LIMCH1: variants seen among roughly 807,000 people sequenced by gnomAD.
LIMCH1 encodes LIM and calponin homology domains-containing protein 1.
In LIMCH1, 113 loss-of-function variants were observed where a neutral mutation model predicts 176.5. That is an observed-to-expected ratio of 0.64 (90% CI 0.55 to 0.75). The LOEUF is 0.75. Ranked by LOEUF, LIMCH1 falls within the 30% of genes least tolerant of loss-of-function variation. LIMCH1 has a pLI of 0.00. For missense variants in LIMCH1, 1,674 were observed against 1,814.9 expected, an observed-to-expected ratio of 0.92 and a Z score of 1.41; for synonymous variants, 619 against 645.9, an observed-to-expected ratio of 0.96 and a Z score of 0.63.
chr4:41,573,780 GT>G (rs1236387739), intron 1 of LIMCH1, among the ~76,000 whole-genome samples: 1 of 152,084 alleles, frequency 6.6e-6, no homozygotes, highest in East Asian at 1.9e-4. Context: ...CATTTTTAAG[GT>G]TTTTGAGACG....
At chr4:41,421,246 G>A (rs1217163345) in intron 1 of LIMCH1, among the ~76,000 whole-genome samples, 1 of 152,146 alleles carries the variant, frequency 6.6e-6, no homozygotes, top group South Asian at 2.1e-4. Flanking sequence ...TCATAGGAGT[G>A]CTGTGAGAAG....
At position 41,629,535 on chromosome 4, in the gene LIMCH1, A is replaced by G; in HGVS notation, c.1072A>G (p.Asn358Asp). The G allele has an allele frequency of 1.3e-6, 2 of 1,536,100 alleles. No individual in the cohort carries two copies. The highest frequency in any genetic ancestry group is 1.7e-6 in the Non-Finnish European group (2 of 1,146,906). Residue 358 changes from asparagine (N) to aspartate (D), a missense_variant, in exon 9 of 32, where the codon AAC becomes GAC. By Grantham distance (23) the Asn-to-Asp change is conservative. This residue lies in a region of LIMCH1 where 655 missense variants were observed against 692.2 expected (regional missense o/e 0.95). Coordinates refer to ENST00000503057, the MANE Select transcript of LIMCH1 (RefSeq NM_001330672.2). ...TEEVKLIVTC[N>D]MRAQESEPVE... ...AGAGGTGAAGTTGATAGTGACCTGT[A>G]ACATGAGGGCTCAGGAAAGTGAACC...
chr4:41,503,807 C>G (rs1039312352), intron 2 of LIMCH1, among the ~76,000 whole-genome samples: 1 of 152,172 alleles, frequency 6.6e-6, no homozygotes, highest in Admixed American at 6.5e-5. Flanking sequence ...AGTCGGTTCC[C>G]TCAGCCCTCA....
At chr4:41,546,282 G>C (rs2079380895) in intron 1 of LIMCH1, among the ~76,000 whole-genome samples, 1 of 151,974 alleles carries the variant, frequency 6.6e-6, no homozygotes, top group African/African-American at 2.4e-5. Context: ...GGGAGTACAG[G>C]TGTGCGCCAC....
intron 31 of LIMCH1, among the ~76,000 whole-genome samples, chr4:41,694,843 C>T (rs1374297225): frequency 2.0e-5 from 3 of 152,042 alleles, no homozygotes; most frequent in African/African-American, 7.2e-5. Context: ...GAAAAGTGCA[C>T]TCTCCCTGCA....
intron 1 of LIMCH1, among the ~76,000 whole-genome samples, chr4:41,489,157 CT>C (rs1157542785): frequency 6.6e-6 from 1 of 151,992 alleles, no homozygotes; most frequent in Non-Finnish European, 1.5e-5. Context: ...TAATTTCTGC[CT>C]TCTTTCTTTT....
At chr4:41,429,871 A>G (rs1238435726) in intron 1 of LIMCH1, among the ~76,000 whole-genome samples, 6 of 152,168 alleles carry the variant, frequency 3.9e-5, no homozygotes, top group Admixed American at 2.0e-4. Context: ...TTACAAGGGA[A>G]GGAAAGGAAA....
chr4:41,501,037 G>A (rs746455399), intron 2 of LIMCH1, among the ~76,000 whole-genome samples: 7 of 152,096 alleles, frequency 4.6e-5, no homozygotes, highest in Non-Finnish European at 7.4e-5. Flanking sequence ...AAATCACCCC[G>A]GGAGATGACA....
At position 41,613,519 on chromosome 4, in the gene LIMCH1, C is replaced by T. The variant is rs146605098; in HGVS notation, c.63C>T (p.Ile21=). The change falls in exon 5 of 32, where the codon ATC becomes ATT. Residue 21 remains isoleucine, a synonymous_variant. Transcript: ENST00000503057. ...PKRSIRDSGY[I]DCWDSERSDS... is the part of the protein sequence containing the mutation. ...GCAGTATCCGAGACAGTGGCTACAT[C>T]GACTGCTGGGATTCCGAGCGCAGCG... is the stretch of plus-strand genomic sequence containing the variant. 2,591 of 1,614,038 alleles carry T rather than the reference C, an allele frequency of 1.6e-3. 50 individuals are homozygous for T. In the East Asian group the frequency reaches 0.047, roughly 29 times the overall value.
At chr4:41,624,305 G>T (rs1159037048) in intron 7 of LIMCH1, among the ~76,000 whole-genome samples, 1 of 152,076 alleles carries the variant, frequency 6.6e-6, no homozygotes, top group Non-Finnish European at 1.5e-5. Flanking sequence ...AAGGCAGGGG[G>T]TGTGGGGGCG....
chr4:41,407,843 T>C (rs748653896), intron 1 of LIMCH1, among the ~76,000 whole-genome samples: 1 of 152,132 alleles, frequency 6.6e-6, no homozygotes, highest in Non-Finnish European at 1.5e-5. Flanking sequence ...CCCAGGTTCT[T>C]GTGATTTAAA....
intron 7 of LIMCH1, among the ~76,000 whole-genome samples, chr4:41,621,608 TCTC>T (rs1349243403): frequency 3.0e-4 from 45 of 152,022 alleles, no homozygotes; most frequent in African/African-American, 9.6e-4. Context: ...TTCAAGCAAT[TCTC>T]CTGCCTCAGC....
chr4:41,438,680 G>A (rs1318821657), intron 1 of LIMCH1, among the ~76,000 whole-genome samples: 1 of 150,432 alleles, frequency 6.6e-6, no homozygotes, highest in African/African-American at 2.5e-5. Flanking sequence ...AACTTCTGCA[G>A]TGAAGGACTA....
chr4:41,663,134 C>CTTGTGTGTGT, intron 20 of LIMCH1, 150 bp downstream of exon 20: 1 of 405,328 alleles, frequency 2.5e-6, no homozygotes, highest in Non-Finnish European at 4.4e-6. Context: ...TTTTCTTTTT[C>CTTGTGTGTGT]GTGTGTGTGT....
At chr4:41,476,100 G>A (rs989773772) in intron 1 of LIMCH1, among the ~76,000 whole-genome samples, 1 of 152,154 alleles carries the variant, frequency 6.6e-6, no homozygotes, top group Non-Finnish European at 1.5e-5. Context: ...GCCTTTCAAA[G>A]TGCTGGGATT....
At chr4:41,616,368 A>G (rs919744368) in intron 5 of LIMCH1, among the ~76,000 whole-genome samples, 27 of 152,082 alleles carry the variant, frequency 1.8e-4, no homozygotes, top group Admixed American at 1.4e-3. Flanking sequence ...TCTCTACTAA[A>G]AATACAAAAA....
At chr4:41,630,871 G>A (rs28741685) in intron 9 of LIMCH1, among the ~76,000 whole-genome samples, 23,584 of 152,070 alleles carry the variant, frequency 0.16, 3,995 homozygotes, top group African/African-American at 0.43. Flanking sequence ...TACCTTATAC[G>A]TGTATACCTA....
At chr4:41,422,160 C>T (rs546127537) in intron 1 of LIMCH1, among the ~76,000 whole-genome samples, 4 of 152,266 alleles carry the variant, frequency 2.6e-5, no homozygotes, top group Admixed American at 6.5e-5. Context: ...TGCTGTCATT[C>T]GTCAAATATA....
At chr4:41,627,369 GC>G (rs763279562) in intron 8 of LIMCH1, among the ~76,000 whole-genome samples, 3 of 152,026 alleles carry the variant, frequency 2.0e-5, no homozygotes, top group Non-Finnish European at 4.4e-5. Flanking sequence ...ATGTACTATT[GC>G]CTATCAGAGA....
Sources: gnomAD v4.1 joint callset for allele counts (sites outside exome capture counted in the v4.1 genomes callset) on GRCh38, gnomAD v4.1.1 for gene constraint, gnomAD v4.1.1 regional missense constraint, MANE v1.5 for transcripts, NCBI Gene and HGNC (gene_info 2026-07-23, HGNC 2026-07-21) for gene names.